Variants in KIAA1958 observed in about 807,000 individuals in gnomAD.
KIAA1958 encodes the protein uncharacterized protein KIAA1958.
A neutral mutation model predicts 47.2 loss-of-function variants in KIAA1958; 14 were observed. The observed-to-expected ratio is 0.30, with a 90% confidence interval of 0.20 to 0.46. KIAA1958 has a LOEUF of 0.46. Among genes scored for constraint, KIAA1958 ranks in the 20% least tolerant of loss-of-function variants. The probability of loss-of-function intolerance (pLI) is 1.00; values close to 1 mark genes in which losing one functional copy is unlikely to be tolerated. For missense variants in KIAA1958, 803 were observed against 909.2 expected, an observed-to-expected ratio of 0.88 and a Z score of 1.50; for synonymous variants, 354 against 353.3, an observed-to-expected ratio of 1.00 and a Z score of -0.02.
chr9:112,611,217 AC>A (rs2131209844), intron 2 of KIAA1958, among the ~76,000 whole-genome samples: 1 of 152,238 alleles, frequency 6.6e-6, no homozygotes, highest in Non-Finnish European at 1.5e-5. Flanking sequence ...TTCTAGAGGT[AC>A]CTATTTTGGA....
At chr9:112,607,240 C>T (rs1434989707) in intron 2 of KIAA1958, among the ~76,000 whole-genome samples, 1 of 151,956 alleles carries the variant, frequency 6.6e-6, no homozygotes, top group Non-Finnish European at 1.5e-5. Context: ...ATCTGTAGTC[C>T]CAGCCACTCA....
chr9:112,659,146 G>C, intron 3 of KIAA1958, 117 bp from the exon 4 acceptor site: 1 of 784,974 alleles, frequency 1.3e-6, no homozygotes, highest in Non-Finnish European at 2.1e-6. Flanking sequence ...TTTCCATTGT[G>C]TCCTGCTAAG....
chr9:112,623,183 C>T (rs936094162), intron 2 of KIAA1958, among the ~76,000 whole-genome samples: 2 of 152,156 alleles, frequency 1.3e-5, no homozygotes, highest in African/African-American at 2.4e-5. Context: ...CATGTAGGTG[C>T]ACATATGCAT....
chr9:112,499,688 C>A (rs971552557), intron 1 of KIAA1958, among the ~76,000 whole-genome samples: 13 of 130,552 alleles, frequency 1.0e-4, no homozygotes, highest in African/African-American at 3.7e-4. Context: ...ACATTTTTTT[C>A]TTTTTTTTTT....
chr9:112,610,101 T>C (rs1357249656), intron 2 of KIAA1958, among the ~76,000 whole-genome samples: 2 of 152,150 alleles, frequency 1.3e-5, no homozygotes, highest in African/African-American at 4.8e-5. Flanking sequence ...GGAAATGTTA[T>C]AACACTAAAT....
intron 3 of KIAA1958, among the ~76,000 whole-genome samples, chr9:112,648,383 G>A (rs1359258190): frequency 6.6e-6 from 1 of 152,168 alleles, no homozygotes; most frequent in East Asian, 1.9e-4. Flanking sequence ...GAACTAGAGA[G>A]CTGCACAGCA....
intron 3 of KIAA1958, among the ~76,000 whole-genome samples, chr9:112,650,248 A>G (rs567214368): frequency 1.6e-4 from 24 of 152,302 alleles, no homozygotes; most frequent in African/African-American, 5.5e-4. Context: ...ACAACAATAT[A>G]TATTAAAAGA....
intron 2 of KIAA1958, among the ~76,000 whole-genome samples, chr9:112,638,662 G>T (rs1018892296): frequency 6.6e-6 from 1 of 151,980 alleles, no homozygotes; most frequent in Non-Finnish European, 1.5e-5. Context: ...GAAAATTCTC[G>T]ACCAATATTT....
chr9:112,537,941 G>A (rs565339621), intron 1 of KIAA1958, among the ~76,000 whole-genome samples: 3 of 152,262 alleles, frequency 2.0e-5, no homozygotes, highest in South Asian at 4.2e-4. Flanking sequence ...GAGGGAAGAA[G>A]AGGAAACATT....
intron 2 of KIAA1958, among the ~76,000 whole-genome samples, chr9:112,625,609 G>A (rs1289645309): frequency 6.6e-6 from 1 of 152,158 alleles, no homozygotes; most frequent in East Asian, 1.9e-4. Context: ...AGAGTTTAGA[G>A]AGGAAAAACA....
At chr9:112,568,903 A>T (rs10981447) in intron 1 of KIAA1958, among the ~76,000 whole-genome samples, 32,998 of 126,810 alleles carry the variant, frequency 0.26, 5,197 homozygotes, top group Middle Eastern at 0.34. Flanking sequence ...AAAAAAAAAA[A>T]AAATAGAGCT....
At chr9:112,593,839 TTTTTGTTTTG>T (rs10627875) in intron 2 of KIAA1958, among the ~76,000 whole-genome samples, 113 of 147,958 alleles carry the variant, frequency 7.6e-4, no homozygotes, top group East Asian at 4.2e-3. Context: ...ACTTGTCTGT[TTTTTGTTTTG>T]TTTTGTTTTG....
At chr9:112,641,126 C>T (rs1040154944) in intron 2 of KIAA1958, among the ~76,000 whole-genome samples, 1 of 151,982 alleles carries the variant, frequency 6.6e-6, no homozygotes, top group African/African-American at 2.4e-5. Context: ...CCTGTATCTT[C>T]CCCTTTGTTC....
intron 3 of KIAA1958, among the ~76,000 whole-genome samples, chr9:112,648,575 A>G (rs1439074267): frequency 6.6e-6 from 1 of 152,202 alleles, no homozygotes; most frequent in Admixed American, 6.5e-5. Context: ...CAAACTGGAA[A>G]AACCTCAGGA....
intron 1 of KIAA1958, among the ~76,000 whole-genome samples, chr9:112,490,111 A>ATGCTGCT (rs955988194): frequency 7.2e-4 from 109 of 152,312 alleles, no homozygotes; most frequent in African/African-American, 2.4e-3. Flanking sequence ...CACCAACACC[A>ATGCTGCT]TGCTGCTTGC....
At chr9:112,539,834 G>A (rs1834911659) in intron 1 of KIAA1958, among the ~76,000 whole-genome samples, 1 of 133,052 alleles carries the variant, frequency 7.5e-6, no homozygotes, top group African/African-American at 2.9e-5. Context: ...GGGATTACAA[G>A]CATGCCCCAC....
At chr9:112,565,024 T>C (rs954072408) in intron 1 of KIAA1958, among the ~76,000 whole-genome samples, 3 of 152,234 alleles carry the variant, frequency 2.0e-5, no homozygotes, top group African/African-American at 7.2e-5. Context: ...ATAAGAATTG[T>C]CTAAAAAATA....
chr9:112,511,821 A>G lies in KIAA1958; in HGVS notation c.-25+24703A>G, dbSNP rs117960252. ...TTAGGAGGAGATATACAGATTACCA[A>G]TATTAGGACTGAGAGAGGTAATATC... On this transcript the variant is annotated intron_variant, in intron 1 of 3. Transcript: ENST00000337530. Among the ~76,000 whole-genome samples the G allele has an allele frequency of 5.2e-3, 789 of 152,340 alleles. 2 individuals are homozygous for G. Among genetic ancestry groups the G allele is most frequent in the South Asian group, 0.012 (56 of 4,822 alleles).
intron 2 of KIAA1958, among the ~76,000 whole-genome samples, chr9:112,627,859 GACTT>G (rs1372840789): frequency 8.5e-5 from 13 of 152,202 alleles, no homozygotes; most frequent in African/African-American, 2.4e-4. Flanking sequence ...CATGTACACA[GACTT>G]ACTTAACATA....
Sources: gnomAD v4.1 joint callset for allele counts (sites outside exome capture counted in the v4.1 genomes callset) on GRCh38, gnomAD v4.1.1 for gene constraint, MANE v1.5 for transcripts, NCBI Gene and HGNC (gene_info 2026-07-23, HGNC 2026-07-21) for gene names.